Variants in ZNF765 observed in about 807,000 individuals in gnomAD.
The protein encoded by ZNF765 is zinc finger protein 765.
In ZNF765, 37 loss-of-function variants were observed where a neutral mutation model predicts 44.7. That is an observed-to-expected ratio of 0.83 (90% confidence interval 0.64 to 1.09). The LOEUF is 1.09. Ranked by LOEUF, ZNF765 falls within the 50% of genes least tolerant of loss-of-function variation. The pLI is 0.00. For missense variants in ZNF765, 594 were observed against 626.1 expected, an observed-to-expected ratio of 0.95 and a Z score of 0.55; for synonymous variants, 201 against 213.7, an observed-to-expected ratio of 0.94 and a Z score of 0.52.
chr19:53,414,471 ACACACACACACACACACACCCCCCC>A (rs2085859904), downstream of ZNF765, among the ~76,000 whole-genome samples: 1 of 5,458 alleles, frequency 1.8e-4, no homozygotes, highest in African/African-American at 1.3e-3. Context: ...ACACACACAC[ACACACACACACACACACACCCCCCC>A]CCCCCCCCCC....
intron 1 of ZNF765, among the ~76,000 whole-genome samples, chr19:53,396,254 A>G (rs1401844840): frequency 6.6e-6 from 1 of 151,242 alleles, no homozygotes; most frequent in Non-Finnish European, 1.5e-5. Context: ...GGATGAGGGT[A>G]TAACAGGGAA....
chr19:53,426,478 TC>T (rs2085940271), exon 4 of ZNF765: 1 of 152,012 alleles, frequency 6.6e-6, no homozygotes, highest in African/African-American at 2.4e-5. Context: ...GGTTTTTGTT[TC>T]TTTTCCAAAG....
In ZNF765 at chr19:53,417,589, C is replaced by G. The variant is rs114712286; in HGVS notation, c.143-5473C>G. 4.0e-3 allele frequency among the ~76,000 whole-genome samples: 606 copies of G among 152,294 alleles called. 6 individuals carry two copies. The highest frequency in any genetic ancestry group is 0.014 in the African/African-American group (589 of 41,558). ...TGTGAATAGTGCTGCAACGAACATACACGTGCATGCGTCTTTACAATAGAA... is the reference window on the plus strand; with the variant it reads ...TGTGAATAGTGCTGCAACGAACATAGACGTGCATGCGTCTTTACAATAGAA... On this transcript the variant is annotated intron_variant, in intron 3 of 3. Coordinates refer to the ZNF765 transcript ENST00000594030.
At position 53,417,926 on chromosome 19, in the gene ZNF765, A is replaced by G. The variant is rs111924730; in HGVS notation, c.143-5136A>G. ...ACTGAGACATACGTAGTGTGCGTTC[A>G]GTCCCTGATGTACCAGAGCTCAGTA... On this transcript the variant is annotated intron_variant, in intron 3 of 3. Transcript: ENST00000594030. Among the ~76,000 whole-genome samples, 1,368 of 152,280 alleles carry G rather than the reference A, an allele frequency of 9.0e-3. 27 individuals carry two copies. Among genetic ancestry groups the G allele is most frequent in the African/African-American group, 0.032 (1,311 of 41,534 alleles).
downstream of ZNF765, among the ~76,000 whole-genome samples, chr19:53,414,794 A>G (rs62117296): frequency 0.8 from 117,766 of 148,074 alleles, 47,369 homozygotes; most frequent in Admixed American, 0.85. Context: ...ACAGGTCACC[A>G]CAGGTGCTCA....
At chr19:53,418,237 T>C (rs1351363142) in intron 3 of ZNF765, among the ~76,000 whole-genome samples, 1 of 152,014 alleles carries the variant, frequency 6.6e-6, no homozygotes, top group Non-Finnish European at 1.5e-5. Flanking sequence ...CCTTCTCTAC[T>C]GAAAATAGAA....
At chr19:53,417,913 G>C (rs796086690) in intron 3 of ZNF765, among the ~76,000 whole-genome samples, 1 of 152,124 alleles carries the variant, frequency 6.6e-6, no homozygotes, top group Non-Finnish European at 1.5e-5. Context: ...TGAGACATAC[G>C]TAGTGTGCGT....
chr19:53,414,785 C>T (rs1175877737), downstream of ZNF765, among the ~76,000 whole-genome samples: 1 of 149,460 alleles, frequency 6.7e-6, no homozygotes, highest in Non-Finnish European at 1.5e-5. Flanking sequence ...AAGGACCACA[C>T]AGGTCACCAC....
Position 53,409,826 on chromosome 19 carries a change from C to T in ZNF765, c.*699C>T. ...CAAGACCTTTAGTCTGAAGTCATAC[C>T]TTACGCACCATCGTAGACTTCATAC... On this transcript the variant is annotated 3_prime_UTR_variant, in exon 4 of 4. Transcript: ENST00000396408. 1 of 706,524 alleles carries T rather than the reference C, an allele frequency of 1.4e-6. No homozygotes were observed. Among genetic ancestry groups the T allele is most frequent in the Non-Finnish European group, 2.6e-6 (1 of 378,154 alleles). 43.8% of individuals were successfully genotyped at this position (706,524 alleles called of 1,614,324 possible).
At position 53,408,171 on chromosome 19, in the gene ZNF765, C is replaced by T. The variant is rs754822685; in HGVS notation, c.616C>T (p.Gln206Ter). 1.2e-6 allele frequency: 2 copies of T among 1,614,014 alleles called. No individual in the cohort carries two copies. Among genetic ancestry groups the T allele is most frequent in the African/African-American group, 2.7e-5 (2 of 75,028 alleles). Reference sequence around the variant, plus strand: ...GAATTCTTCATTATTCACACAAAAACAGGAAGTACATATGAGGGAAAAATC... The same window carrying T: ...GAATTCTTCATTATTCACACAAAAATAGGAAGTACATATGAGGGAAAAATC... ...FLNSSLFTQKQEVHMREKSFQ... is the reference protein window; with the variant it reads ...FLNSSLFTQK The change falls in exon 4 of 4, where the codon CAG (glutamine) becomes TAG (stop). Residue 206 changes from glutamine to a stop codon, truncating the protein, a stop_gained. Coordinates refer to ENST00000396408, the MANE Select transcript of ZNF765 (RefSeq NM_001040185.3). LOFTEE classifies it high-confidence loss of function.
chr19:53,422,310 C>A (rs939435800), intron 3 of ZNF765, among the ~76,000 whole-genome samples: 15 of 152,294 alleles, frequency 9.8e-5, no homozygotes, highest in African/African-American at 3.6e-4. Flanking sequence ...CCCCATTCTA[C>A]CCCAAACATG....
rs1014999598 is a variant in ZNF765, at chr19:53,409,643, T to C, written c.*516T>C. 5 of 1,348,618 alleles carry C rather than the reference T, an allele frequency of 3.7e-6. No individual in the cohort carries two copies. In the African/African-American group the frequency reaches 7.2e-5, roughly 19 times the overall value. 83.5% of individuals were successfully genotyped at this position (1,348,618 alleles called of 1,614,324 possible). A position where few individuals can be genotyped will look rare whatever the true frequency, so the allele number is the denominator to read the frequency against. ...AGTGTAATGAGTGTGGCAAGACCTT[T>C]AGTCAGAACTCATACCTTACACGCC... On this transcript the variant is annotated 3_prime_UTR_variant, in exon 4 of 4. Coordinates refer to ENST00000396408, the MANE Select transcript of ZNF765 (RefSeq NM_001040185.3).
chr19:53,408,989 G>A lies in ZNF765; in HGVS notation c.1434G>A (p.Thr478=), dbSNP rs10426347. 1,375,962 of 1,613,584 alleles carry A rather than the reference G, an allele frequency of 0.85. 589,151 individuals are homozygous for A. Among genetic ancestry groups the A allele is most frequent in the Admixed American group, 0.89 (53,368 of 60,002 alleles). The change falls in exon 4 of 4, where the codon ACG becomes ACA. Residue 478 remains threonine (T), a synonymous_variant. Coordinates refer to ENST00000396408, the MANE Select transcript of ZNF765 (RefSeq NM_001040185.3). ...AGTGTGGCAAGACCTTCAGCCGGACGTCATCCCTTACATACCATCATAGAC... is the reference window on the plus strand; with the variant it reads ...AGTGTGGCAAGACCTTCAGCCGGACATCATCCCTTACATACCATCATAGAC... ...CNECGKTFSR[T]SSLTYHHRLH...
chr19:53,398,144 C>T (rs755092374), intron 2 of ZNF765, 114 bp downstream of exon 2: 22 of 1,562,610 alleles, frequency 1.4e-5, no homozygotes, highest in Middle Eastern at 1.7e-4. Context: ...TTTGCTCGCA[C>T]TCACCCATGC....
downstream of ZNF765, among the ~76,000 whole-genome samples, chr19:53,414,485 ACACACC>A: frequency 6.5e-4 from 1 of 1,550 alleles, no homozygotes; most frequent in Non-Finnish European, 1.4e-3. Flanking sequence ...ACACACACAC[ACACACC>A]CCCCCCCCCC....
chr19:53,414,491 C>CACACACACA (rs1568786159), downstream of ZNF765, among the ~76,000 whole-genome samples: 2 of 15,580 alleles, frequency 1.3e-4, no homozygotes, highest in Non-Finnish European at 1.7e-4. Flanking sequence ...ACACACACAC[C>CACACACACA]CCCCCCCCCC....
At chr19:53,402,248 CTTTTTTTTTTTTT>C (rs72582439) in intron 3 of ZNF765, 57 bp downstream of exon 3, 22 of 1,260,608 alleles carry the variant, frequency 1.7e-5, no homozygotes, top group African/African-American at 1.1e-4. Context: ...ATTTTCTCTC[CTTTTTTTTTTTTT>C]TTTTTTTTTT....
At position 53,401,941 on chromosome 19, in the gene ZNF765, A is replaced by G. The variant is rs1432113638; in HGVS notation, c.16-124A>G. The G allele has an allele frequency of 3.5e-5, 56 of 1,603,586 alleles. 1 individual carries two copies. In the East Asian group the frequency reaches 1.3e-3, roughly 36 times the overall value. ...GACAAAATGCGGTGAAAAATCCCTT[A>G]CTCAGATTTGTTAGAACATTCACTG... On this transcript the variant is annotated intron_variant, in intron 2 of 3. Coordinates refer to ENST00000396408, the MANE Select transcript of ZNF765 (RefSeq NM_001040185.3).
downstream of ZNF765, among the ~76,000 whole-genome samples, chr19:53,412,535 T>C (rs2147101714): frequency 6.6e-6 from 1 of 152,308 alleles, no homozygotes; most frequent in Admixed American, 6.5e-5. Context: ...TTATAACATG[T>C]CTGAACAGGC....
Sources: gnomAD v4.1 joint callset for allele counts (sites outside exome capture counted in the v4.1 genomes callset) on GRCh38, gnomAD v4.1.1 for gene constraint, MANE v1.5 for transcripts, NCBI Gene and HGNC (gene_info 2026-07-23, HGNC 2026-07-21) for gene names.